The following INSL6 variants were observed in gnomAD, a reference collection of about 807,000 sequenced individuals.
INSL6 encodes the protein insulin like 6.
A neutral mutation model predicts 9.4 loss-of-function variants in INSL6; 16 were observed. The observed-to-expected ratio is 1.70, with a 90% CI of 1.15 to 2.59. The LOEUF is 2.59. INSL6 is among the 30% of genes most tolerant of loss of function. The pLI, the probability that INSL6 is intolerant of heterozygous loss-of-function variation, is 0.00. For missense variants in INSL6, 391 were observed against 257.3 expected, an observed-to-expected ratio of 1.52 and a Z score of -3.56; for synonymous variants, 154 against 96.9, an observed-to-expected ratio of 1.59 and a Z score of -3.46.
At chr9:5,106,766 G>A in the INSL6 span, among the ~76,000 whole-genome samples, 1 of 152,124 alleles carries the variant, frequency 6.6e-6, no homozygotes, top group Non-Finnish European at 1.5e-5. Flanking sequence ...GGATGAAGCT[G>A]GAAACCATCA....
At chr9:5,057,822 C>A in the INSL6 span, among the ~76,000 whole-genome samples, 11,307 of 151,962 alleles carry the variant, frequency 0.074, 1,278 homozygotes, top group African/African-American at 0.25. Flanking sequence ...ACCTCATGAT[C>A]CGCCTGCCTC....
chr9:5,105,037 C>T, the INSL6 span, among the ~76,000 whole-genome samples: 2 of 152,112 alleles, frequency 1.3e-5, no homozygotes, highest in East Asian at 3.8e-4. Context: ...CTATTCAACA[C>T]TGTGTTAGAA....
chr9:5,110,676 C>T, the INSL6 span: 4 of 314,748 alleles, frequency 1.3e-5, no homozygotes, highest in East Asian at 8.2e-5. Context: ...CATATACCAA[C>T]GCCTGAGCCC....
the INSL6 span, chr9:5,078,332 T>A: frequency 1.2e-6 from 2 of 1,612,580 alleles, no homozygotes; most frequent in Non-Finnish European, 1.7e-6. Context: ...TTCATGGGAA[T>A]GTATGTGCCA....
chr9:5,063,427 T>A, the INSL6 span, among the ~76,000 whole-genome samples: 1 of 152,198 alleles, frequency 6.6e-6, no homozygotes, highest in Non-Finnish European at 1.5e-5. Context: ...GTTTTCTGGG[T>A]ACAGCTATTA....
chr9:5,081,976 AG>A, the INSL6 span: 8 of 871,256 alleles, frequency 9.2e-6, no homozygotes, highest in East Asian at 2.0e-4. Context: ...TAGAAAAAAA[AG>A]GTTTGGTTGT....
the INSL6 span, among the ~76,000 whole-genome samples, chr9:5,031,548 G>A: frequency 2.0e-4 from 31 of 152,220 alleles, no homozygotes; most frequent in Admixed American, 1.7e-3. Context: ...ACTTTATAAT[G>A]TATATCAGAT....
chr9:5,064,351 G>C, the INSL6 span, among the ~76,000 whole-genome samples: 1 of 152,012 alleles, frequency 6.6e-6, no homozygotes, highest in African/African-American at 2.4e-5. Context: ...CCAACATGGC[G>C]AGAACCTGTC....
At chr9:5,143,376 G>A (rs1824539980) in intron 2 of INSL6, among the ~76,000 whole-genome samples, 1 of 151,948 alleles carries the variant, frequency 6.6e-6, no homozygotes. Flanking sequence ...CTTGTTAGTG[G>A]TCTATTCAGG....
At chr9:5,104,633 G>A in the INSL6 span, among the ~76,000 whole-genome samples, 4 of 152,150 alleles carry the variant, frequency 2.6e-5, no homozygotes, top group Non-Finnish European at 5.9e-5. Context: ...CAATATCCCT[G>A]ATGAACGTCG....
At chr9:4,999,752 A>C in the INSL6 span, among the ~76,000 whole-genome samples, 1 of 152,204 alleles carries the variant, frequency 6.6e-6, no homozygotes, top group Non-Finnish European at 1.5e-5. Flanking sequence ...CCTGGTGTAC[A>C]TCATTTTTAA....
At chr9:5,072,416 C>T in the INSL6 span, 4 of 1,107,386 alleles carry the variant, frequency 3.6e-6, no homozygotes, top group South Asian at 2.3e-5. Flanking sequence ...AATTCTTCCT[C>T]ATTGAATGTA....
the INSL6 span, among the ~76,000 whole-genome samples, chr9:5,074,407 A>G: frequency 0.01 from 1,531 of 152,230 alleles, 18 homozygotes; most frequent in African/African-American, 0.035. Flanking sequence ...TCCCAACAGC[A>G]TGTGCTCATT....
the INSL6 span, among the ~76,000 whole-genome samples, chr9:5,049,159 C>T: frequency 9.2e-5 from 14 of 152,094 alleles, no homozygotes; most frequent in Non-Finnish European, 1.9e-4. Flanking sequence ...CGTATCTGAG[C>T]CATACACCAG....
At chr9:5,016,205 T>A in the INSL6 span, among the ~76,000 whole-genome samples, 1 of 152,178 alleles carries the variant, frequency 6.6e-6, no homozygotes, top group African/African-American at 2.4e-5. Flanking sequence ...ATGACATGAT[T>A]TAGGAACTTC....
the INSL6 span, among the ~76,000 whole-genome samples, chr9:5,096,428 A>C: frequency 1.3e-5 from 2 of 152,166 alleles, no homozygotes; most frequent in African/African-American, 2.4e-5. Flanking sequence ...GTGGAATTCA[A>C]ACCCACAAAA....
chr9:5,085,821 C>G, the INSL6 span: 5 of 758,804 alleles, frequency 6.6e-6, 1 homozygote, highest in South Asian at 1.4e-5. Context: ...AATAATTGAT[C>G]GAAAGGCTTT....
chr9:5,002,307 T>G, the INSL6 span, among the ~76,000 whole-genome samples: 5 of 152,082 alleles, frequency 3.3e-5, no homozygotes, highest in African/African-American at 1.2e-4. Context: ...AACCACTATT[T>G]TAGCTGTATT....
At chr9:5,058,722 T>C in the INSL6 span, among the ~76,000 whole-genome samples, 2 of 152,196 alleles carry the variant, frequency 1.3e-5, no homozygotes, top group African/African-American at 2.4e-5. Context: ...TGTTTTCTGA[T>C]AGTAGCCATC....
Sources: gnomAD v4.1 joint callset for allele counts (sites outside exome capture counted in the v4.1 genomes callset) on GRCh38, gnomAD v4.1.1 for gene constraint, MANE v1.5 for transcripts, NCBI Gene and HGNC (gene_info 2026-07-23, HGNC 2026-07-21) for gene names.